Variants in CNTLN observed in about 807,000 individuals in gnomAD.
The protein encoded by CNTLN is centlein.
CNTLN carries 212 observed loss-of-function variants against 180.0 expected under a neutral mutation model. That is an observed-to-expected ratio of 1.18 (90% CI 1.05 to 1.32). The LOEUF is 1.32. Among genes scored for constraint, CNTLN ranks in the 40% most tolerant of loss-of-function variants. CNTLN has a pLI of 0.00. For synonymous variants in CNTLN, 722 were observed against 563.1 expected (o/e 1.28, Z -3.99); for missense variants, 2,095 against 1,610.9 (o/e 1.30, Z -5.14).
chr9:17,500,985 C>T (rs1564156814), intron 25 of CNTLN, among the ~76,000 whole-genome samples: 1 of 152,180 alleles, frequency 6.6e-6, no homozygotes, highest in South Asian at 2.1e-4. Flanking sequence ...TCATTATCCT[C>T]CATAAGAGAA....
chr9:17,330,452 G>A (rs914329862), intron 8 of CNTLN, among the ~76,000 whole-genome samples, 180 bp from the exon 9 acceptor site: 1 of 151,724 alleles, frequency 6.6e-6, no homozygotes, highest in South Asian at 2.1e-4. Flanking sequence ...TTATTTTATT[G>A]GAAAATACTA....
intron 6 of CNTLN, among the ~76,000 whole-genome samples, chr9:17,296,277 C>T (rs1456228621): frequency 6.6e-6 from 1 of 152,010 alleles, no homozygotes; most frequent in East Asian, 1.9e-4. Flanking sequence ...CCTCGGCCTC[C>T]AAAGTGCTGG....
chr9:17,152,371 A>T (rs1818950049), intron 2 of CNTLN, among the ~76,000 whole-genome samples: 1 of 152,014 alleles, frequency 6.6e-6, no homozygotes, highest in Non-Finnish European at 1.5e-5. Flanking sequence ...CTTTGTTCTC[A>T]TTGGTGTCAA....
At chr9:17,320,768 G>T (rs148237751) in intron 8 of CNTLN, among the ~76,000 whole-genome samples, 5,521 of 152,268 alleles carry the variant, frequency 0.036, 170 homozygotes, top group East Asian at 0.18. Flanking sequence ...CTCCCAAAGC[G>T]CTGGGATTAC....
At chr9:17,224,652 T>G (rs1824350187) in intron 2 of CNTLN, among the ~76,000 whole-genome samples, 1 of 152,016 alleles carries the variant, frequency 6.6e-6, no homozygotes, top group Non-Finnish European at 1.5e-5. Flanking sequence ...CATTTAGTTG[T>G]TTTTTACTTC....
chr9:17,137,018 T>A (rs1307638948), intron 1 of CNTLN, among the ~76,000 whole-genome samples: 1 of 152,216 alleles, frequency 6.6e-6, no homozygotes, highest in African/African-American at 2.4e-5. Context: ...TACTTTTTTA[T>A]GACCGACTTG....
At chr9:17,324,369 G>T (rs111803966) in intron 8 of CNTLN, among the ~76,000 whole-genome samples, 7 of 152,154 alleles carry the variant, frequency 4.6e-5, no homozygotes, top group African/African-American at 1.4e-4. Context: ...ATCTGAATGT[G>T]TTTTATTTTG....
intron 16 of CNTLN, among the ~76,000 whole-genome samples, chr9:17,411,122 C>G (rs1827810920): frequency 6.6e-6 from 1 of 152,116 alleles, no homozygotes; most frequent in African/African-American, 2.4e-5. Context: ...AGCAGACCAG[C>G]TAGGTACCTC....
chr9:17,178,368 G>A (rs2779766), intron 2 of CNTLN, among the ~76,000 whole-genome samples: 5 of 152,242 alleles, frequency 3.3e-5, no homozygotes, highest in Admixed American at 6.5e-5. Context: ...TCCCGCACCC[G>A]GGCCGCAGGT....
intron 2 of CNTLN, among the ~76,000 whole-genome samples, chr9:17,156,347 A>G (rs1318938373): frequency 1.3e-5 from 2 of 152,176 alleles, no homozygotes; most frequent in Admixed American, 1.3e-4. Context: ...TTCTATAATT[A>G]TTCTCTATTA....
intron 2 of CNTLN, among the ~76,000 whole-genome samples, chr9:17,214,281 C>G (rs1399352002): frequency 2.0e-5 from 3 of 152,114 alleles, no homozygotes; most frequent in Admixed American, 2.0e-4. Flanking sequence ...ATTTGCTTGT[C>G]TGTAAAGTAT....
chr9:17,258,476 C>T (rs1826686633), intron 5 of CNTLN, among the ~76,000 whole-genome samples: 1 of 151,268 alleles, frequency 6.6e-6, no homozygotes, highest in Non-Finnish European at 1.5e-5. Flanking sequence ...CTTTTGGTTC[C>T]ATATGAACTT....
downstream of CNTLN, among the ~76,000 whole-genome samples, chr9:17,505,729 C>A (rs1366461461): frequency 6.6e-6 from 1 of 152,056 alleles, no homozygotes; most frequent in East Asian, 1.9e-4. Flanking sequence ...AGATTTAACA[C>A]AATTCCTACC....
intron 2 of CNTLN, among the ~76,000 whole-genome samples, chr9:17,154,808 C>T (rs988083931): frequency 2.6e-4 from 39 of 152,144 alleles, no homozygotes; most frequent in African/African-American, 7.0e-4. Flanking sequence ...AGGACGTGGG[C>T]GGGGCCAAAT....
chr9:17,317,895 A>G lies in CNTLN; in HGVS notation c.1341+8643A>G, dbSNP rs76636335. Among the ~76,000 whole-genome samples the G allele has an allele frequency of 4.6e-5, 7 of 152,238 alleles. No individual in the cohort carries two copies. In the South Asian group the frequency reaches 8.3e-4, roughly 18 times the overall value. The stretch of plus-strand genomic sequence containing the variant: ...TCTCCTTGGGCCTTGTTAAGTTACT[A>G]TAAGGATATAGATTTTACTCTGAGT... On this transcript the variant is annotated intron_variant, in intron 8 of 25. Transcript: ENST00000380647.
intron 5 of CNTLN, among the ~76,000 whole-genome samples, chr9:17,238,043 C>A (rs911840624): frequency 2.0e-5 from 3 of 151,700 alleles, no homozygotes; most frequent in African/African-American, 7.3e-5. Context: ...TTTTTATTTC[C>A]TTATTTATTC....
chr9:17,409,184 C>A, intron 15 of CNTLN, 109 bp from the exon 16 acceptor site: 1 of 946,824 alleles, frequency 1.1e-6, no homozygotes, highest in Non-Finnish European at 1.6e-6. Flanking sequence ...GTTAAACTTG[C>A]AGTTTTATAT....
At chr9:17,438,209 T>C (rs1829892326) in intron 18 of CNTLN, among the ~76,000 whole-genome samples, 1 of 152,074 alleles carries the variant, frequency 6.6e-6, no homozygotes, top group African/African-American at 2.4e-5. Flanking sequence ...GATTCTGATG[T>C]AGAATAAGGA....
intron 14 of CNTLN, among the ~76,000 whole-genome samples, chr9:17,391,851 T>A (rs1826139296): frequency 6.6e-6 from 1 of 152,136 alleles, no homozygotes; most frequent in Non-Finnish European, 1.5e-5. Flanking sequence ...ATGATCACAT[T>A]TAATACTCCC....
Sources: gnomAD v4.1 joint callset for allele counts (sites outside exome capture counted in the v4.1 genomes callset) on GRCh38, gnomAD v4.1.1 for gene constraint, MANE v1.5 for transcripts, NCBI Gene and HGNC (gene_info 2026-07-23, HGNC 2026-07-21) for gene names.